Variants in DEFB131A observed in about 807,000 individuals in gnomAD.
The protein encoded by DEFB131A is defensin beta 131A.
Under a neutral mutation model 2.4 loss-of-function variants are expected in DEFB131A, and 5 were observed. The observed-to-expected ratio is 2.12, with a 90% CI of 1.11 to 4.47. The LOEUF (loss-of-function observed/expected upper bound fraction) is 4.47, where lower values mean the gene tolerates loss of function less well. DEFB131A is among the 30% of genes most tolerant of loss of function. The pLI, the probability that DEFB131A is intolerant of heterozygous loss-of-function variation, is 0.00. For missense variants in DEFB131A, 120 were observed against 79.9 expected (o/e 1.50, Z -1.91); for synonymous variants, 34 against 25.7 (o/e 1.32, Z -0.97).
chr4:9,444,994 C>A (rs929939683), intron 1 of DEFB131A, among the ~76,000 whole-genome samples: 1 of 151,946 alleles, frequency 6.6e-6, no homozygotes, highest in Non-Finnish European at 1.5e-5. Flanking sequence ...TAGGCAGGAT[C>A]GCTCGAGCCT....
At chr4:9,445,509 C>A (rs11736134) in intron 1 of DEFB131A, among the ~76,000 whole-genome samples, 2 of 151,292 alleles carry the variant, frequency 1.3e-5, no homozygotes, top group Non-Finnish European at 3.0e-5. Context: ...TATTAAACTG[C>A]GGTTCATACC....
chr4:9,444,455 C>A lies in DEFB131A; in HGVS notation c.-79C>A, dbSNP rs1275397913. 2 of 1,532,800 alleles carry A rather than the reference C, an allele frequency of 1.3e-6. No homozygotes were observed. The highest frequency in any genetic ancestry group is 1.4e-5 in the African/African-American group (1 of 72,990). 94.9% of individuals were successfully genotyped at this position (1,532,800 alleles called of 1,614,324 possible). On this transcript the variant is annotated 5_prime_UTR_variant, in exon 1 of 2. Coordinates refer to ENST00000334879, the MANE Select transcript of DEFB131A (RefSeq NM_001040448.3). ...TCAATAATCACTCAACAACTCACCT[C>A]TTCAGAGAACTGAATGTACACAGAA...
At chr4:9,448,496 G>T (rs1401192291) in intron 1 of DEFB131A, among the ~76,000 whole-genome samples, 1 of 152,030 alleles carries the variant, frequency 6.6e-6, no homozygotes, top group Non-Finnish European at 1.5e-5. Flanking sequence ...GGCTAATTTT[G>T]TATTTTTAGT....
chr4:9,450,569 T>C lies in DEFB131A; in HGVS notation c.*55T>C. On this transcript the variant is annotated 3_prime_UTR_variant, in exon 2 of 2. Transcript: ENST00000334879. ...GGGACAAAAAACATGTCTTAAACTC[T>C]CTTATCTATGAATAATTAACATGAT... 1.9e-6 allele frequency: 3 copies of C among 1,565,426 alleles called. No individual in the cohort carries two copies. The South Asian group carries it at 3.6e-5, about 19-fold the overall frequency.
At chr4:9,449,636 G>A (rs10034343) in intron 1 of DEFB131A, among the ~76,000 whole-genome samples, 3,838 of 151,350 alleles carry the variant, frequency 0.025, no homozygotes, top group African/African-American at 0.088. Context: ...GTTGGTCATG[G>A]CAATTATTTT....
chr4:9,446,917 A>G (rs1484839039), intron 1 of DEFB131A, among the ~76,000 whole-genome samples: 1 of 152,054 alleles, frequency 6.6e-6, no homozygotes, highest in Non-Finnish European at 1.5e-5. Context: ...CCTAGTATTC[A>G]TTTCTAGTTC....
chr4:9,450,327 T>C (rs1577080939), intron 1 of DEFB131A, 33 bp from the exon 2 acceptor site: 1 of 1,500,848 alleles, frequency 6.7e-7, no homozygotes, highest in East Asian at 2.3e-5. Flanking sequence ...GTAAGTAATA[T>C]TGTGTCATAT....
At chr4:9,447,348 T>C (rs1717529209) in intron 1 of DEFB131A, among the ~76,000 whole-genome samples, 1 of 152,194 alleles carries the variant, frequency 6.6e-6, no homozygotes, top group Admixed American at 6.5e-5. Flanking sequence ...TATGATGACC[T>C]TCTTTGTCTC....
At position 9,444,474 on chromosome 4, in the gene DEFB131A, C is replaced by G; in HGVS notation, c.-60C>G. On this transcript the variant is annotated 5_prime_UTR_variant, in exon 1 of 2. The change creates a premature stop within an existing upstream ORF in the 5' untranslated region. Coordinates refer to ENST00000334879, the MANE Select transcript of DEFB131A (RefSeq NM_001040448.3). ...TCACCTCTTCAGAGAACTGAATGTA[C>G]ACAGAAGTCCTCTTCATCTCAGCTA... is the stretch of plus-strand genomic sequence containing the variant. 6.3e-7 allele frequency: 1 copy of G among 1,584,510 alleles called. No homozygotes were observed. Among genetic ancestry groups the G allele is most frequent in the Non-Finnish European group, 8.6e-7 (1 of 1,160,936 alleles).
Position 9,450,627 on chromosome 4 carries a change from G to A in DEFB131A, c.*113G>A. On this transcript the variant is annotated 3_prime_UTR_variant, in exon 2 of 2. Transcript: ENST00000334879. ...AATTATTATAATTGCATGTTTAGAT[G>A]GTCAGGTGAAAATGAATATAAATTT... 1 of 1,394,592 alleles carries A rather than the reference G, an allele frequency of 7.2e-7. No homozygotes were observed. The highest frequency in any genetic ancestry group is 2.5e-5 in the East Asian group (1 of 39,704). 86.4% of individuals were successfully genotyped at this position (1,394,592 alleles called of 1,614,324 possible).
intron 1 of DEFB131A, among the ~76,000 whole-genome samples, chr4:9,448,649 C>T (rs1305687409): frequency 1.3e-5 from 2 of 152,166 alleles, no homozygotes; most frequent in Non-Finnish European, 2.9e-5. Flanking sequence ...GGTAAAAATA[C>T]ATAATTTTCT....
chr4:9,448,662 G>T (rs1464720571), intron 1 of DEFB131A, among the ~76,000 whole-genome samples: 1 of 152,016 alleles, frequency 6.6e-6, no homozygotes, highest in Non-Finnish European at 1.5e-5. Flanking sequence ...AATTTTCTTA[G>T]GTAAACAAAA....
intron 1 of DEFB131A, among the ~76,000 whole-genome samples, chr4:9,444,985 AGG>A (rs1359587054): frequency 5.9e-5 from 9 of 152,060 alleles, no homozygotes; most frequent in African/African-American, 2.2e-4. Flanking sequence ...CAGGAAGCTT[AGG>A]CAGGATCGCT....
chr4:9,445,753 G>C (rs1434844755), intron 1 of DEFB131A, among the ~76,000 whole-genome samples: 2 of 152,026 alleles, frequency 1.3e-5, no homozygotes, highest in Admixed American at 6.6e-5. Context: ...GTGGTTATCA[G>C]TGTATTCTTA....
chr4:9,448,262 C>T (rs1244467757), intron 1 of DEFB131A, among the ~76,000 whole-genome samples: 8 of 151,266 alleles, frequency 5.3e-5, no homozygotes, highest in African/African-American at 1.7e-4. Context: ...TTCTCTTAAA[C>T]CACATAAGCA....
chr4:9,449,164 C>T (rs567782694), intron 1 of DEFB131A, among the ~76,000 whole-genome samples: 1 of 150,600 alleles, frequency 6.6e-6, no homozygotes, highest in South Asian at 2.1e-4. Flanking sequence ...AAATTGCAGA[C>T]ATTCATGAAA....
At chr4:9,447,804 C>A (rs1219862609) in intron 1 of DEFB131A, among the ~76,000 whole-genome samples, 2 of 151,390 alleles carry the variant, frequency 1.3e-5, no homozygotes, top group Non-Finnish European at 2.9e-5. Flanking sequence ...TTTGGAGGAA[C>A]ACTTGTTAGC....
At position 9,450,450 on chromosome 4, in the gene DEFB131A, G is replaced by T. The variant is rs767131989; in HGVS notation, c.149G>T (p.Cys50Phe). The T allele has an allele frequency of 3.1e-6, 5 of 1,610,996 alleles. No individual in the cohort carries two copies. In the African/African-American group the frequency reaches 6.7e-5, roughly 22 times the overall value. ...GCTGATGAACATGCAATTAGATACT[G>T]TGCTGACTTCAGCATCTGCTGCAAA... Reference protein sequence around the residue: ...CNADEHAIRYCADFSICCKLK... With the variant: ...CNADEHAIRYFADFSICCKLK... The change falls in exon 2 of 2, where the codon TGT becomes TTT. Residue 50 changes from cysteine (C) to phenylalanine (F), a missense_variant. Cys to Phe is a radical substitution (Grantham distance 205). Coordinates refer to ENST00000334879, the MANE Select transcript of DEFB131A (RefSeq NM_001040448.3).
rs1474136049 is a variant in DEFB131A at position 9,444,436 on chromosome 4, A to G, written c.-98A>G. 9.5e-6 allele frequency: 13 copies of G among 1,373,970 alleles called. 1 individual carries two copies. In the South Asian group the frequency reaches 1.5e-4, roughly 16 times the overall value. The allele number at this position is 1,373,970 out of a possible 1,614,324, so 85.1% of individuals were successfully genotyped here. ...GTTCTTGCTCCTGAAAGGTTCAATA[A>G]TCACTCAACAACTCACCTCTTCAGA... On this transcript the variant is annotated 5_prime_UTR_variant, in exon 1 of 2. Coordinates refer to ENST00000334879, the MANE Select transcript of DEFB131A (RefSeq NM_001040448.3).
Sources: allele counts gnomAD v4.1 joint callset (sites outside exome capture counted in the v4.1 genomes callset), GRCh38; gene constraint gnomAD v4.1.1; transcripts MANE v1.5; gene names NCBI Gene and HGNC (gene_info 2026-07-23, HGNC 2026-07-21).